The following ZC3H6 variants were observed in gnomAD, a reference collection of about 807,000 sequenced individuals.
ZC3H6 encodes the protein zinc finger CCCH domain-containing protein 6.
In ZC3H6, 40 loss-of-function variants were observed where a neutral mutation model predicts 107.7. The observed-to-expected ratio is 0.37, with a 90% CI of 0.29 to 0.48. ZC3H6 has a LOEUF of 0.48. Ranked by LOEUF, ZC3H6 falls within the 20% of genes least tolerant of loss-of-function variation. The pLI is 0.98. For missense variants in ZC3H6, 1,267 were observed against 1,410.4 expected, an observed-to-expected ratio of 0.90 and a Z score of 1.63; for synonymous variants, 493 against 487.9, an observed-to-expected ratio of 1.01 and a Z score of -0.14.
intron 1 of ZC3H6, among the ~76,000 whole-genome samples, chr2:112,294,665 G>A (rs1676194705): frequency 6.6e-6 from 1 of 152,168 alleles, no homozygotes; most frequent in African/African-American, 2.4e-5. Flanking sequence ...AAACTACTGT[G>A]GAGGTAAGAC....
intron 9 of ZC3H6, 33 bp downstream of exon 9, chr2:112,322,935 AT>A (rs766359022): frequency 6.5e-7 from 1 of 1,547,952 alleles, no homozygotes; most frequent in Non-Finnish European, 8.7e-7. Context: ...GACATCAAAT[AT>A]TTTTTTCTGA....
At chr2:112,291,608 C>G (rs1202968298) in intron 1 of ZC3H6, among the ~76,000 whole-genome samples, 1 of 152,200 alleles carries the variant, frequency 6.6e-6, no homozygotes, top group African/African-American at 2.4e-5. Context: ...AAATGTAAAT[C>G]AGTCTGCTTG....
intron 5 of ZC3H6, among the ~76,000 whole-genome samples, chr2:112,315,313 T>C (rs1477452302): frequency 6.6e-6 from 1 of 152,196 alleles, no homozygotes; most frequent in African/African-American, 2.4e-5. Flanking sequence ...CAAGTAGGGC[T>C]ATAAGATTTC....
At chr2:112,328,516 A>G (rs1284161049) in intron 11 of ZC3H6, among the ~76,000 whole-genome samples, 1 of 152,190 alleles carries the variant, frequency 6.6e-6, no homozygotes, top group Non-Finnish European at 1.5e-5. Context: ...TCTTGCATCA[A>G]TGTAAGTGAA....
intron 11 of ZC3H6, among the ~76,000 whole-genome samples, chr2:112,328,879 C>T (rs943588882): frequency 2.7e-5 from 4 of 149,248 alleles, no homozygotes; most frequent in Admixed American, 2.0e-4. Flanking sequence ...GCGGAGGTTG[C>T]AGTGAGCCGA....
chr2:112,311,964 G>A (rs749283692), intron 5 of ZC3H6, 27 bp downstream of exon 5: 1 of 1,552,782 alleles, frequency 6.4e-7, no homozygotes, highest in Non-Finnish European at 8.7e-7. Flanking sequence ...TATAAGGAGG[G>A]GAGGAGCTTT....
At chr2:112,300,058 T>C (rs1229580327) in intron 2 of ZC3H6, 29 bp downstream of exon 2, 1 of 1,301,498 alleles carries the variant, frequency 7.7e-7, no homozygotes, top group African/African-American at 1.5e-5. Context: ...TTTATTCTTT[T>C]GATAAATGTT....
At chr2:112,297,359 C>T (rs528353791) in intron 1 of ZC3H6, among the ~76,000 whole-genome samples, 2 of 152,246 alleles carry the variant, frequency 1.3e-5, no homozygotes, top group East Asian at 3.9e-4. Flanking sequence ...CCTGGTAATT[C>T]TAAATTACCT....
At chr2:112,308,896 A>G (rs1458961106) in intron 3 of ZC3H6, among the ~76,000 whole-genome samples, 3 of 151,272 alleles carry the variant, frequency 2.0e-5, no homozygotes, top group South Asian at 2.1e-4. Flanking sequence ...TACTAAATAT[A>G]CAAAAATTAG....
chr2:112,334,719 T>C lies in ZC3H6; in HGVS notation c.*2231T>C, dbSNP rs1417876622. ...GCATTTTTATTGTGATAACGTTAGT[T>C]TATGGGATATTCTGTCATATCCTGT... On this transcript the variant is annotated 3_prime_UTR_variant, in exon 12 of 12. Coordinates refer to ENST00000409871, the MANE Select transcript of ZC3H6 (RefSeq NM_198581.3). The C allele has an allele frequency of 6.6e-6, 1 of 152,586 alleles. No homozygotes were observed. Among genetic ancestry groups the C allele is most frequent in the Non-Finnish European group, 1.5e-5 (1 of 68,000 alleles). The allele number at this position is 152,586 out of a possible 1,614,324, so 9.5% of individuals were successfully genotyped here. A position where few individuals can be genotyped will look rare whatever the true frequency, so the allele number is the denominator to read the frequency against.
intron 1 of ZC3H6, among the ~76,000 whole-genome samples, chr2:112,295,445 C>T (rs1676214481): frequency 6.6e-6 from 1 of 152,090 alleles, no homozygotes; most frequent in Admixed American, 6.5e-5. Context: ...CTAGGTATTT[C>T]CCAAGATCAC....
intron 5 of ZC3H6, among the ~76,000 whole-genome samples, chr2:112,314,890 C>T (rs1333457553): frequency 1.3e-5 from 2 of 152,114 alleles, no homozygotes; most frequent in Non-Finnish European, 2.9e-5. Context: ...TAAAACGAAT[C>T]TCTAGGATTA....
chr2:112,325,178 G>T lies in ZC3H6; in HGVS notation c.2067G>T (p.Arg689Ser), dbSNP rs1469344626. The part of the protein sequence containing the change: ...DEEQTSTQPH[R>S]APSKEEDDTV... The stretch of plus-strand genomic sequence containing the variant: ...AACAAACCAGCACCCAACCTCATAG[G>T]GCACCAAGCAAGGAAGAAGGTGTGT... The change falls in exon 11 of 12, where the codon AGG (arginine) becomes AGT (serine). Residue 689 changes from arginine to serine, a missense_variant. By Grantham distance (110) the Arg-to-Ser change is moderately radical. Coordinates refer to ENST00000409871, the MANE Select transcript of ZC3H6 (RefSeq NM_198581.3). The T allele has an allele frequency of 6.2e-7, 1 of 1,613,832 alleles. No homozygotes were observed. The highest frequency in any genetic ancestry group is 1.3e-5 in the African/African-American group (1 of 74,906).
chr2:112,328,913 T>A (rs1026451710), intron 11 of ZC3H6, among the ~76,000 whole-genome samples: 5 of 146,886 alleles, frequency 3.4e-5, no homozygotes, highest in African/African-American at 1.3e-4. Flanking sequence ...CACTCCAGCC[T>A]GGGTAACAGA....
chr2:112,319,074 T>A (rs1034498665), intron 7 of ZC3H6, among the ~76,000 whole-genome samples: 1 of 152,238 alleles, frequency 6.6e-6, no homozygotes, highest in Non-Finnish European at 1.5e-5. Context: ...ATCATCTTTA[T>A]GTCCTGATCT....
chr2:112,322,987 A>T, intron 9 of ZC3H6, 85 bp downstream of exon 9: 1 of 1,399,432 alleles, frequency 7.1e-7, no homozygotes, highest in South Asian at 1.4e-5. Context: ...CAAGCTAATC[A>T]TGTAATTAAA....
At chr2:112,317,198 C>CTTTTTTTTTTTTTTT in intron 6 of ZC3H6, 23 bp from the exon 7 acceptor site, 20 of 1,027,700 alleles carry the variant, frequency 1.9e-5, no homozygotes, top group South Asian at 4.5e-5. Flanking sequence ...TTTCTTTTTT[C>CTTTTTTTTTTTTTTT]TTTTTTTTTT....
chr2:112,279,941 G>A, intron 1 of ZC3H6, among the ~76,000 whole-genome samples: 1 of 152,074 alleles, frequency 6.6e-6, no homozygotes, highest in East Asian at 1.9e-4. Context: ...ATAAGTTCTG[G>A]GCTTTAATCC....
intron 3 of ZC3H6, among the ~76,000 whole-genome samples, chr2:112,306,535 T>C (rs1055625895): frequency 6.6e-6 from 1 of 152,200 alleles, no homozygotes; most frequent in South Asian, 2.1e-4. Context: ...ATCCTATCTC[T>C]TCATAAGCCA....
Sources: gnomAD v4.1 joint callset for allele counts (sites outside exome capture counted in the v4.1 genomes callset) on GRCh38, gnomAD v4.1.1 for gene constraint, MANE v1.5 for transcripts, NCBI Gene and HGNC (gene_info 2026-07-23, HGNC 2026-07-21) for gene names.